AUTS2: variants seen among roughly 807,000 people sequenced by gnomAD.
The protein encoded by AUTS2 is activator of transcription and developmental regulator AUTS2.
A neutral mutation model predicts 112.4 loss-of-function variants in AUTS2; 17 were observed. The observed-to-expected ratio is 0.15, with a 90% CI of 0.10 to 0.23. The LOEUF (loss-of-function observed/expected upper bound fraction) is 0.23, where lower values mean the gene tolerates loss of function less well. Ranked by LOEUF, AUTS2 falls within the 10% of genes least tolerant of loss-of-function variation. The pLI, the probability that AUTS2 is intolerant of heterozygous loss-of-function variation, is 1.00. For missense variants in AUTS2, 1,510 were observed against 1,701.6 expected (o/e 0.89, Z 1.98); for synonymous variants, 751 against 702.7 (o/e 1.07, Z -1.09).
intron 4 of AUTS2, among the ~76,000 whole-genome samples, chr7:70,277,854 G>A (rs181969473): frequency 6.6e-6 from 1 of 152,038 alleles, no homozygotes; most frequent in African/African-American, 2.4e-5. Flanking sequence ...TACAAAGAGA[G>A]CAAAAAACTA....
intron 16 of AUTS2, 106 bp from the exon 17 acceptor site, chr7:70,785,849 G>A: frequency 1.0e-6 from 1 of 1,003,386 alleles, no homozygotes; most frequent in Non-Finnish European, 1.5e-6. Context: ...GCCAGGTGGG[G>A]GCGTAGAGAG....
Position 70,135,623 on chromosome 7 carries a change from GC to G in AUTS2, c.660+1053del, listed in dbSNP as rs1212348640. Among the ~76,000 whole-genome samples, 4 of 152,234 alleles carry G rather than the reference GC, an allele frequency of 2.6e-5. No homozygotes were observed. The East Asian group carries it at 7.7e-4, about 29-fold the overall frequency. Reference sequence around the variant, plus strand: ...TCATTAATAAATGAGTATTTTCCAAGCTTAGCAAAAGTGGCATTTTCTAGAT... The same window carrying G: ...TCATTAATAAATGAGTATTTTCCAAGTTAGCAAAAGTGGCATTTTCTAGAT... On this transcript the variant is annotated intron_variant, in intron 4 of 18. Transcript: ENST00000342771.
intron 5 of AUTS2, among the ~76,000 whole-genome samples, chr7:70,529,524 G>T (rs569004795): frequency 6.6e-6 from 1 of 152,294 alleles, no homozygotes; most frequent in African/African-American, 2.4e-5. Flanking sequence ...AGTGCCTCAA[G>T]AAACCAGGCA....
At chr7:70,664,358 CTG>C (rs747801888) in intron 5 of AUTS2, among the ~76,000 whole-genome samples, 5 of 152,120 alleles carry the variant, frequency 3.3e-5, no homozygotes, top group Admixed American at 6.5e-5. Context: ...CTGTTGGACT[CTG>C]TGGGATTTTG....
At chr7:70,666,155 T>C (rs1335264483) in intron 5 of AUTS2, among the ~76,000 whole-genome samples, 2 of 152,228 alleles carry the variant, frequency 1.3e-5, no homozygotes, top group Admixed American at 1.3e-4. Context: ...TTATTGGCTG[T>C]GTGAGCTAAG....
intron 1 of AUTS2, among the ~76,000 whole-genome samples, chr7:69,848,169 A>T (rs1468696211): frequency 6.6e-6 from 1 of 152,182 alleles, no homozygotes; most frequent in Admixed American, 6.5e-5. Flanking sequence ...TTCCTTCCTT[A>T]ACATGATTGG....
intron 3 of AUTS2, among the ~76,000 whole-genome samples, chr7:70,127,079 G>C (rs1051988535): frequency 1.3e-5 from 2 of 149,154 alleles, no homozygotes; most frequent in East Asian, 2.0e-4. Flanking sequence ...CACCCTCCTC[G>C]GACTTCCAAA....
intron 5 of AUTS2, among the ~76,000 whole-genome samples, chr7:70,629,032 C>T (rs1339297672): frequency 3.3e-5 from 5 of 152,146 alleles, no homozygotes; most frequent in Non-Finnish European, 7.3e-5. Context: ...GTGGCAGGTT[C>T]ATATCCATCG....
chr7:69,842,413 T>C (rs536026734), intron 1 of AUTS2, among the ~76,000 whole-genome samples: 1 of 152,326 alleles, frequency 6.6e-6, no homozygotes, highest in South Asian at 2.1e-4. Context: ...CATAACATAT[T>C]CTTTAAGAAT....
At chr7:69,820,890 G>C (rs908555967) in intron 1 of AUTS2, among the ~76,000 whole-genome samples, 1 of 152,186 alleles carries the variant, frequency 6.6e-6, no homozygotes, top group Admixed American at 6.5e-5. Flanking sequence ...GGTTTATGAA[G>C]AAGAAAATAT....
At chr7:69,740,035 A>G (rs538393163) in intron 1 of AUTS2, among the ~76,000 whole-genome samples, 3 of 152,326 alleles carry the variant, frequency 2.0e-5, no homozygotes, top group Admixed American at 6.5e-5. Flanking sequence ...TAGTGGGCCA[A>G]TGACGTAGGA....
At chr7:69,710,817 A>G (rs764366109) in intron 1 of AUTS2, among the ~76,000 whole-genome samples, 3 of 152,182 alleles carry the variant, frequency 2.0e-5, no homozygotes, top group Non-Finnish European at 1.5e-5. Flanking sequence ...TTGCAGGTAC[A>G]TGTGGTTAAT....
intron 6 of AUTS2, among the ~76,000 whole-genome samples, chr7:70,729,721 C>T (rs1787254774): frequency 6.6e-6 from 1 of 152,172 alleles, no homozygotes; most frequent in Admixed American, 6.5e-5. Context: ...GGAAGCCAGG[C>T]CTCAAGTGCC....
chr7:70,670,776 T>C (rs1807594832), intron 5 of AUTS2, among the ~76,000 whole-genome samples: 1 of 152,204 alleles, frequency 6.6e-6, no homozygotes, highest in Non-Finnish European at 1.5e-5. Context: ...TGCCCCTCTT[T>C]ACCCAGTGCC....
chr7:70,042,801 G>T (rs557816594), intron 2 of AUTS2, among the ~76,000 whole-genome samples: 1 of 152,256 alleles, frequency 6.6e-6, no homozygotes, highest in South Asian at 2.1e-4. Context: ...TTGAGGTCTT[G>T]TGGTTCTTTC....
intron 2 of AUTS2, among the ~76,000 whole-genome samples, chr7:69,961,666 C>T (rs564735648): frequency 6.6e-6 from 1 of 152,208 alleles, no homozygotes; most frequent in Admixed American, 6.5e-5. Flanking sequence ...ATTTATTTAG[C>T]TAGTTTATAC....
At chr7:70,312,713 G>T (rs1169110009) in intron 4 of AUTS2, among the ~76,000 whole-genome samples, 2 of 152,194 alleles carry the variant, frequency 1.3e-5, no homozygotes, top group African/African-American at 4.8e-5. Flanking sequence ...AGTACTTCAA[G>T]GGTCTAGGAC....
chr7:70,716,809 C>T (rs979521712), intron 6 of AUTS2, among the ~76,000 whole-genome samples: 1 of 151,932 alleles, frequency 6.6e-6, no homozygotes, highest in African/African-American at 2.4e-5. Flanking sequence ...GGCAGGCTGT[C>T]AGTGTGTGTT....
chr7:70,557,557 A>G (rs961652204), intron 5 of AUTS2, among the ~76,000 whole-genome samples: 1 of 152,234 alleles, frequency 6.6e-6, no homozygotes, highest in African/African-American at 2.4e-5. Context: ...TGTTTTAAGG[A>G]TGGAGCAGGA....
Sources: gnomAD v4.1 joint callset for allele counts (sites outside exome capture counted in the v4.1 genomes callset) on GRCh38, gnomAD v4.1.1 for gene constraint, MANE v1.5 for transcripts, NCBI Gene and HGNC (gene_info 2026-07-23, HGNC 2026-07-21) for gene names.